Variants in ARHGEF33 observed in about 807,000 individuals in gnomAD.
ARHGEF33 encodes the protein Rho guanine nucleotide exchange factor 33, also known as DH and coiled-coil domain-containing protein ENSP00000381780.
Under a neutral mutation model 101.9 loss-of-function variants are expected in ARHGEF33, and 72 were observed. The ratio of observed to expected loss-of-function variants is 0.71; its 90% CI spans 0.58 to 0.86. The LOEUF (loss-of-function observed/expected upper bound fraction) is 0.86. Among genes scored for constraint, ARHGEF33 ranks in the 40% least tolerant of loss-of-function variants. ARHGEF33 has a pLI of 0.00. For synonymous variants in ARHGEF33, 499 were observed against 442.5 expected (o/e 1.13, Z -1.60); for missense variants, 1,169 against 1,111.3 (o/e 1.05, Z -0.74).
intron 17 of ARHGEF33, among the ~76,000 whole-genome samples, chr2:38,967,187 C>T (rs1668067640): frequency 6.6e-6 from 1 of 152,198 alleles, no homozygotes; most frequent in African/African-American, 2.4e-5. Context: ...TTGGGGGCAA[C>T]CCTGGAGTGA....
chr2:38,966,283 A>G, intron 17 of ARHGEF33, 138 bp downstream of exon 17: 1 of 1,162,154 alleles, frequency 8.6e-7, no homozygotes, highest in African/African-American at 1.6e-5. Flanking sequence ...CAGTAGCCAC[A>G]GTTCCGGCGG....
intron 2 of ARHGEF33, among the ~76,000 whole-genome samples, chr2:38,898,109 A>G (rs1285209490): frequency 6.6e-6 from 1 of 152,236 alleles, no homozygotes; most frequent in Non-Finnish European, 1.5e-5. Flanking sequence ...ATAAATCATC[A>G]TGAGAATAGT....
chr2:38,922,005 T>C (rs1480430010), intron 4 of ARHGEF33, among the ~76,000 whole-genome samples: 1 of 152,204 alleles, frequency 6.6e-6, no homozygotes, highest in East Asian at 1.9e-4. Flanking sequence ...CAATTTGCTT[T>C]ACAAGGAAGA....
intron 16 of ARHGEF33, among the ~76,000 whole-genome samples, chr2:38,961,133 C>G (rs916494952): frequency 1.3e-5 from 2 of 152,234 alleles, no homozygotes; most frequent in Non-Finnish European, 2.9e-5. Context: ...TACTCCACTT[C>G]TTCCCGGCAG....
intron 7 of ARHGEF33, among the ~76,000 whole-genome samples, chr2:38,931,631 A>G (rs1667006339): frequency 6.6e-6 from 1 of 152,232 alleles, no homozygotes; most frequent in Non-Finnish European, 1.5e-5. Flanking sequence ...CTGGAAAACC[A>G]GAGCTGATGC....
chr2:38,910,381 G>C (rs751769155), intron 2 of ARHGEF33, among the ~76,000 whole-genome samples: 1 of 152,134 alleles, frequency 6.6e-6, no homozygotes, highest in Non-Finnish European at 1.5e-5. Flanking sequence ...GACCAGCCTG[G>C]GCAACACGGT....
intron 2 of ARHGEF33, among the ~76,000 whole-genome samples, chr2:38,907,808 A>T (rs1306794961): frequency 1.3e-5 from 2 of 150,914 alleles, no homozygotes; most frequent in African/African-American, 4.9e-5. Context: ...TTTTAAGTAG[A>T]TATTTACATT....
chr2:38,923,496 G>A (rs1359841954), intron 4 of ARHGEF33, among the ~76,000 whole-genome samples: 1 of 151,954 alleles, frequency 6.6e-6, no homozygotes, highest in Non-Finnish European at 1.5e-5. Flanking sequence ...TGACATTATC[G>A]TATGTATCAC....
At chr2:38,909,912 TA>T (rs1434089935) in intron 2 of ARHGEF33, among the ~76,000 whole-genome samples, 3 of 152,142 alleles carry the variant, frequency 2.0e-5, no homozygotes, top group Non-Finnish European at 4.4e-5. Context: ...CATTAATTTT[TA>T]TTTTTTTGCT....
chr2:38,929,578 A>C, intron 5 of ARHGEF33, 131 bp from the exon 6 acceptor site: 1 of 715,280 alleles, frequency 1.4e-6, no homozygotes, highest in Non-Finnish European at 2.0e-6. Flanking sequence ...GATGGAAGTA[A>C]ATTTTTTAAT....
Position 38,908,289 on chromosome 2 carries a change from C to G in ARHGEF33, c.-85-11074C>G, listed in dbSNP as rs138328672. Among the ~76,000 whole-genome samples, 39 of 152,224 alleles carry G rather than the reference C, an allele frequency of 2.6e-4. 1 individual carries two copies. The East Asian group carries it at 7.6e-3, about 30-fold the overall frequency. On this transcript the variant is annotated intron_variant, in intron 2 of 17. Transcript: ENST00000409978. ...GAAGAATATCTTCCCTGACCAGACA[C>G]AGAGGCCATGAGACATTCAGGCTCA...
chr2:38,952,338 G>C (rs1291986038), intron 11 of ARHGEF33, among the ~76,000 whole-genome samples: 2 of 152,114 alleles, frequency 1.3e-5, no homozygotes, highest in Non-Finnish European at 2.9e-5. Flanking sequence ...CTTTAGCTGA[G>C]AATTATTATA....
intron 1 of ARHGEF33, 28 bp from the exon 2 acceptor site, chr2:38,895,749 A>C (rs1008773075): frequency 1.3e-5 from 2 of 151,614 alleles, no homozygotes; most frequent in Non-Finnish European, 2.9e-5. Context: ...ATCATTATCA[A>C]TGGCGTTTTT....
Position 38,930,971 on chromosome 2 carries a change from T to A in ARHGEF33, c.363-138T>A. ...ATGAATTGCTAGTATTTGACCACTT[T>A]TAATTTTCAAAAATAGCAATTTATA... On this transcript the variant is annotated intron_variant, in intron 6 of 17. Transcript: ENST00000409978. The A allele has an allele frequency of 4.8e-6, 3 of 621,090 alleles. No homozygotes were observed. The South Asian group carries it at 1.1e-4, about 23-fold the overall frequency. 38.5% of individuals were successfully genotyped at this position (621,090 alleles called of 1,614,324 possible).
chr2:38,918,207 C>T (rs1317508614), intron 2 of ARHGEF33, among the ~76,000 whole-genome samples: 1 of 152,164 alleles, frequency 6.6e-6, no homozygotes, highest in Non-Finnish European at 1.5e-5. Context: ...GAAAGCAGAA[C>T]CTTGAATTTC....
chr2:38,966,239 C>T, intron 17 of ARHGEF33, 94 bp downstream of exon 17: 1 of 1,432,830 alleles, frequency 7.0e-7, no homozygotes, highest in South Asian at 1.5e-5. Flanking sequence ...GTAGCCTGGT[C>T]TCACACAACT....
intron 10 of ARHGEF33, among the ~76,000 whole-genome samples, chr2:38,945,533 C>A (rs1233414852): frequency 6.6e-6 from 1 of 152,388 alleles, no homozygotes; most frequent in East Asian, 1.9e-4. Flanking sequence ...TCTGGCCCTT[C>A]CAGTTCCCCC....
At chr2:38,960,676 A>G (rs1252513497) in intron 16 of ARHGEF33, 28 bp downstream of exon 16, 1 of 1,359,438 alleles carries the variant, frequency 7.4e-7, no homozygotes, top group South Asian at 1.3e-5. Context: ...CGAAACCCAC[A>G]GCGTCGACGG....
At chr2:38,937,312 C>CGGGGGGGGGGGGGGGGGGGGGGGGGGGG in intron 8 of ARHGEF33, 23 bp from the exon 9 acceptor site, 69 of 583,320 alleles carry the variant, frequency 1.2e-4, no homozygotes, top group East Asian at 1.8e-4. Flanking sequence ...TTTGTTTCCC[C>CGGGGGGGGGGGGGGGGGGGGGGGGGGGG]GCCCCTCCCC....
Sources: allele counts gnomAD v4.1 joint callset (sites outside exome capture counted in the v4.1 genomes callset), GRCh38; gene constraint gnomAD v4.1.1; transcripts MANE v1.5; gene names NCBI Gene and HGNC (gene_info 2026-07-23, HGNC 2026-07-21).